The following GALNT13 variants were observed in gnomAD, a reference collection of about 807,000 sequenced individuals.
GALNT13 encodes UDP-GalNAc:polypeptide N-acetylgalactosaminyltransferase 13.
Under a neutral mutation model 64.2 loss-of-function variants are expected in GALNT13, and 28 were observed. That is an observed-to-expected ratio of 0.44 (90% CI 0.32 to 0.60). The LOEUF (loss-of-function observed/expected upper bound fraction) is 0.60. Among genes scored for constraint, GALNT13 ranks in the 20% least tolerant of loss-of-function variants. The pLI is 0.05. For missense variants in GALNT13, 577 were observed against 669.8 expected, an observed-to-expected ratio of 0.86 and a Z score of 1.53; for synonymous variants, 214 against 224.6, an observed-to-expected ratio of 0.95 and a Z score of 0.42.
the GALNT13 span, among the ~76,000 whole-genome samples, chr2:153,733,292 C>T: frequency 3.5e-4 from 54 of 152,180 alleles, no homozygotes; most frequent in Middle Eastern, 0.01. Context: ...TGTCCATCGA[C>T]GTAGATTAGA....
chr2:153,432,926 C>T, the GALNT13 span, among the ~76,000 whole-genome samples: 7 of 151,932 alleles, frequency 4.6e-5, no homozygotes, highest in Non-Finnish European at 8.8e-5. Flanking sequence ...AATGACCTAC[C>T]TAATTTTTGC....
At chr2:153,562,153 T>A in the GALNT13 span, among the ~76,000 whole-genome samples, 1 of 150,992 alleles carries the variant, frequency 6.6e-6, no homozygotes, top group African/African-American at 2.4e-5. Flanking sequence ...AAATATTATT[T>A]TTTTCTGAAC....
chr2:154,334,407 A>T (rs1359627201), intron 9 of GALNT13, among the ~76,000 whole-genome samples: 1 of 152,044 alleles, frequency 6.6e-6, no homozygotes, highest in African/African-American at 2.4e-5. Flanking sequence ...ACAGCCTTTA[A>T]ACTAAACTGG....
At chr2:154,010,332 G>A (rs1042439907) in intron 3 of GALNT13, among the ~76,000 whole-genome samples, 7 of 152,240 alleles carry the variant, frequency 4.6e-5, no homozygotes, top group East Asian at 3.9e-4. Context: ...AACCGTTTCC[G>A]TGTCTATTGA....
the GALNT13 span, among the ~76,000 whole-genome samples, chr2:153,318,984 G>A: frequency 6.6e-6 from 1 of 152,034 alleles, no homozygotes; most frequent in Non-Finnish European, 1.5e-5. Context: ...CAATAAAGTA[G>A]TTATCTTTAA....
At chr2:154,351,449 C>T (rs187673107) in intron 9 of GALNT13, among the ~76,000 whole-genome samples, 2 of 151,724 alleles carry the variant, frequency 1.3e-5, no homozygotes, top group East Asian at 1.9e-4. Flanking sequence ...TTTGGGAGGC[C>T]GAGACAGGCG....
At chr2:153,659,261 C>G in the GALNT13 span, among the ~76,000 whole-genome samples, 36 of 151,980 alleles carry the variant, frequency 2.4e-4, no homozygotes, top group Non-Finnish European at 4.4e-4. Context: ...CTGCAAGAAT[C>G]AAACATTTCT....
At chr2:154,006,152 TC>T (rs1248105032) in intron 3 of GALNT13, among the ~76,000 whole-genome samples, 2 of 152,192 alleles carry the variant, frequency 1.3e-5, no homozygotes, top group African/African-American at 4.8e-5. Flanking sequence ...ATTAGAATAA[TC>T]CTGTGAGATT....
At chr2:154,166,157 C>G (rs1685008240) in intron 4 of GALNT13, among the ~76,000 whole-genome samples, 1 of 152,146 alleles carries the variant, frequency 6.6e-6, no homozygotes, top group Non-Finnish European at 1.5e-5. Context: ...GTAATCTTAG[C>G]ACTTTGGGAG....
At chr2:153,263,694 G>T in the GALNT13 span, among the ~76,000 whole-genome samples, 1 of 152,212 alleles carries the variant, frequency 6.6e-6, no homozygotes, top group African/African-American at 2.4e-5. Flanking sequence ...CAAGCAGTGG[G>T]GAAATAATTC....
rs1348413112 is a variant in GALNT13, at chr2:154,450,336, GAACA to G, written c.1531-74_1531-71del. 1.6e-4 allele frequency: 214 copies of G among 1,351,680 alleles called. 3 individuals carry two copies. The highest frequency in any genetic ancestry group is 4.5e-5 in the Admixed American group (2 of 44,632). 83.7% of individuals were successfully genotyped at this position (1,351,680 alleles called of 1,614,324 possible). On this transcript the variant is annotated intron_variant, in intron 12 of 12. Transcript: ENST00000392825. ...TAAAAATCATAAAGGATTTTTTAAA[GAACA>G]GATTTTATCTGATGTGCTAGCAAAG...
the GALNT13 span, among the ~76,000 whole-genome samples, chr2:153,558,850 CA>C: frequency 6.6e-6 from 1 of 152,158 alleles, no homozygotes; most frequent in African/African-American, 2.4e-5. Flanking sequence ...TTCTTTCCAA[CA>C]GAAAAATGCT....
intron 7 of GALNT13, among the ~76,000 whole-genome samples, chr2:154,258,398 A>G (rs748377963): frequency 6.6e-6 from 1 of 152,090 alleles, no homozygotes; most frequent in African/African-American, 2.4e-5. Flanking sequence ...CATAAATCCT[A>G]TGGGATATAT....
intron 2 of GALNT13, among the ~76,000 whole-genome samples, chr2:153,918,151 G>A (rs185761876): frequency 4.4e-4 from 67 of 152,162 alleles, no homozygotes; most frequent in Admixed American, 1.6e-3. Context: ...GTTTGATTCA[G>A]CCAAGTTTAA....
the GALNT13 span, among the ~76,000 whole-genome samples, chr2:153,630,791 ATATATATATATATATATTTTTTTT>A: frequency 3.1e-4 from 4 of 13,112 alleles, no homozygotes; most frequent in East Asian, 6.0e-3. Flanking sequence ...ATATATATAT[ATATATATATATATATATTTTTTTT>A]TTTTTTTTTA....
the GALNT13 span, among the ~76,000 whole-genome samples, chr2:153,293,761 TTGTG>T: frequency 2.9e-3 from 305 of 104,682 alleles, 2 homozygotes; most frequent in East Asian, 0.011. Flanking sequence ...TTTTTTCTGT[TTGTG>T]TGTGTGTGTG....
chr2:153,746,296 C>T, the GALNT13 span, among the ~76,000 whole-genome samples: 30 of 152,012 alleles, frequency 2.0e-4, no homozygotes, highest in Admixed American at 2.0e-3. Flanking sequence ...CAAAAGTTAC[C>T]ACTATCCTAA....
the GALNT13 span, among the ~76,000 whole-genome samples, chr2:153,820,567 C>G: frequency 6.6e-6 from 1 of 152,064 alleles, no homozygotes; most frequent in East Asian, 1.9e-4. Context: ...GATTAAGGCC[C>G]TATATTCAGC....
chr2:154,188,741 A>G (rs1447645629), intron 4 of GALNT13, among the ~76,000 whole-genome samples: 1 of 152,176 alleles, frequency 6.6e-6, no homozygotes, highest in African/African-American at 2.4e-5. Flanking sequence ...TATTTTGGAA[A>G]TAAAAATTAT....
Sources: allele counts gnomAD v4.1 joint callset (sites outside exome capture counted in the v4.1 genomes callset), GRCh38; gene constraint gnomAD v4.1.1; transcripts MANE v1.5; gene names NCBI Gene and HGNC (gene_info 2026-07-23, HGNC 2026-07-21).